LSM1: variants seen among roughly 807,000 people sequenced by gnomAD.
LSM1 encodes U6 snRNA-associated Sm-like protein LSm1.
In LSM1, 13 loss-of-function variants were observed where a neutral mutation model predicts 18.0. The ratio of observed to expected loss-of-function variants is 0.72; its 90% confidence interval spans 0.47 to 1.15. LSM1 has a LOEUF of 1.15. Ranked by LOEUF, LSM1 falls within the 50% of genes most tolerant of loss-of-function variation. The pLI is 0.00. For missense variants in LSM1, 152 were observed against 157.7 expected (o/e 0.96, Z 0.19); for synonymous variants, 46 against 56.0 (o/e 0.82, Z 0.80).
At chr8:38,170,704 G>A (rs1026353584) in intron 2 of LSM1, among the ~76,000 whole-genome samples, 3 of 152,160 alleles carry the variant, frequency 2.0e-5, no homozygotes, top group African/African-American at 7.2e-5. Context: ...CATGGGTTAT[G>A]ATACAGCAAA....
chr8:38,163,758 G>T lies in LSM1; in HGVS notation c.314C>A (p.Thr105Asn), dbSNP rs1425546123. The stretch of plus-strand genomic sequence containing the variant: ...TTTCAACTTCTCTGCTTCCAGCTTG[G>T]TCTGCTGTTCCACCCTTTGTTCTTC... ...ILEEQRVEQQ[T>N]KLEAEKLKVQ... Residue 105 changes from threonine (T) to asparagine (N), a missense_variant, in exon 4 of 4, where the codon ACC becomes AAC. Transcript: ENST00000311351. 5 of 1,614,002 alleles carry T rather than the reference G, an allele frequency of 3.1e-6. No homozygotes were observed. Among genetic ancestry groups the T allele is most frequent in the Admixed American group, 3.3e-5 (2 of 59,988 alleles).
At chr8:38,171,483 A>T (rs1231611837) in intron 2 of LSM1, among the ~76,000 whole-genome samples, 1 of 152,204 alleles carries the variant, frequency 6.6e-6, no homozygotes, top group Non-Finnish European at 1.5e-5. Context: ...CCTGGCCAAC[A>T]TGGCGAAACC....
At chr8:38,164,158 G>A (rs991938619) in intron 3 of LSM1, among the ~76,000 whole-genome samples, 4 of 152,080 alleles carry the variant, frequency 2.6e-5, no homozygotes, top group Admixed American at 1.3e-4. Flanking sequence ...GGGTTCAAGC[G>A]ATTATCCTGC....
chr8:38,176,250 C>A, intron 1 of LSM1, 25 bp downstream of exon 1: 2 of 1,610,322 alleles, frequency 1.2e-6, no homozygotes, highest in South Asian at 1.1e-5. Flanking sequence ...CCCCGGGCTC[C>A]ACCGGGAGGA....
intron 1 of LSM1, among the ~76,000 whole-genome samples, chr8:38,172,782 G>C (rs537174267): frequency 1.3e-5 from 2 of 152,124 alleles, no homozygotes; most frequent in South Asian, 4.1e-4. Flanking sequence ...ACCATAGAAG[G>C]CTTTAAATAA....
At chr8:38,166,239 C>CCTA (rs1233181767) in intron 3 of LSM1, 1 of 152,246 alleles carries the variant, frequency 6.6e-6, no homozygotes, top group African/African-American at 2.4e-5. Context: ...GCCTCAGCCT[C>CCTA]CTAAGTAGCT....
chr8:38,166,205 C>G (rs967363973), intron 3 of LSM1: 3 of 152,230 alleles, frequency 2.0e-5, no homozygotes, highest in African/African-American at 7.2e-5. Flanking sequence ...TGATCTGAAA[C>G]TCTTGGGCTG....
At chr8:38,174,267 C>T (rs193262840) in intron 1 of LSM1, among the ~76,000 whole-genome samples, 2 of 151,688 alleles carry the variant, frequency 1.3e-5, no homozygotes, top group African/African-American at 4.8e-5. Context: ...AGGGGAAGAA[C>T]GCAGGGGTTG....
chr8:38,174,775 T>C (rs373975174), intron 1 of LSM1, among the ~76,000 whole-genome samples: 136 of 152,066 alleles, frequency 8.9e-4, no homozygotes, highest in African/African-American at 3.2e-3. Context: ...GTAATCCCAG[T>C]ACTCTGGGAG....
chr8:38,168,207 C>T (rs994997203), intron 3 of LSM1, among the ~76,000 whole-genome samples: 5 of 151,356 alleles, frequency 3.3e-5, no homozygotes, highest in African/African-American at 4.8e-5. Context: ...GTGATCCGCC[C>T]GCCTCAGCCT....
chr8:38,172,178 C>CAAAA lies in LSM1; in HGVS notation c.47-146_47-145insTTTT, dbSNP rs752387751. 3.0e-3 allele frequency: 1,612 copies of CAAAA among 537,496 alleles called. 30 individuals carry two copies. The African/African-American group carries it at 0.03, about 10-fold the overall frequency. The allele number at this position is 537,496 out of a possible 1,614,324, so 33.3% of individuals were successfully genotyped here. ...AAGTTCATTGGAAAACTGAAAAAAGCAGCACAGCAACGCGGATTTAGATAA... is the reference window on the plus strand; with the variant it reads ...AAGTTCATTGGAAAACTGAAAAAAGCAAAAAGCACAGCAACGCGGATTTAGATAA... On this transcript the variant is annotated intron_variant, in intron 1 of 3. Transcript: ENST00000311351.
At chr8:38,174,497 G>C (rs751666557) in intron 1 of LSM1, among the ~76,000 whole-genome samples, 1 of 152,078 alleles carries the variant, frequency 6.6e-6, no homozygotes, top group Admixed American at 6.6e-5. Flanking sequence ...AAAGTAGGGG[G>C]TCTGGAATCT....
chr8:38,165,214 G>A (rs189675812), intron 3 of LSM1, among the ~76,000 whole-genome samples: 166 of 152,210 alleles, frequency 1.1e-3, no homozygotes, highest in African/African-American at 3.6e-3. Context: ...TTAGCTGGGC[G>A]TGGTGGCAGG....
intron 1 of LSM1, among the ~76,000 whole-genome samples, chr8:38,172,480 C>G (rs762506394): frequency 4.6e-5 from 7 of 152,052 alleles, no homozygotes; most frequent in Non-Finnish European, 1.0e-4. Context: ...TGCCACCATG[C>G]CTGGCTAATT....
At chr8:38,171,270 C>T (rs1485165498) in intron 2 of LSM1, among the ~76,000 whole-genome samples, 5 of 152,192 alleles carry the variant, frequency 3.3e-5, no homozygotes, top group African/African-American at 1.2e-4. Flanking sequence ...CAATGGCTCG[C>T]GCCTATAATC....
At position 38,163,439 on chromosome 8, in the gene LSM1, C is replaced by CAGTGATGTGTGAAGGAGTCTATG. The variant is rs1210987494; in HGVS notation, c.*208_*230dup. 7.2e-5 allele frequency: 30 copies of CAGTGATGTGTGAAGGAGTCTATG among 415,986 alleles called. No individual in the cohort carries two copies. 25.8% of individuals were successfully genotyped at this position (415,986 alleles called of 1,614,324 possible). On this transcript the variant is annotated 3_prime_UTR_variant, in exon 4 of 4. Transcript: ENST00000311351. ...TATAAAGAAGTAGTTGCTGGTGCCA[C>CAGTGATGTGTGAAGGAGTCTATG]AGTGATGTGTGAAGGAGTCTATGCC...
chr8:38,171,928 T>A (rs538008426), intron 2 of LSM1, 37 bp downstream of exon 2: 1 of 1,443,078 alleles, frequency 6.9e-7, no homozygotes, highest in African/African-American at 1.4e-5. Flanking sequence ...GCTGTTATTA[T>A]CCAGAGTATA....
At chr8:38,175,987 C>G (rs1803129833) in intron 1 of LSM1, 1 of 343,452 alleles carries the variant, frequency 2.9e-6, no homozygotes, top group Middle Eastern at 8.3e-4. Flanking sequence ...CTTTCGTGTT[C>G]GGGCCTCTGC....
Position 38,164,514 on chromosome 8 carries a change from C to CT in LSM1, c.232-675dup, listed in dbSNP as rs11322150. Among the ~76,000 whole-genome samples, 219 of 143,682 alleles carry CT rather than the reference C, an allele frequency of 1.5e-3. 1 individual carries two copies. The highest frequency in any genetic ancestry group is 2.5e-3 in the Non-Finnish European group (164 of 65,178). 94.3% of individuals were successfully genotyped at this position (143,682 alleles called of 152,430 possible). A position where few individuals can be genotyped will look rare whatever the true frequency, so the allele number is the denominator to read the frequency against. On this transcript the variant is annotated intron_variant, in intron 3 of 3. Coordinates refer to ENST00000311351, the MANE Select transcript of LSM1 (RefSeq NM_014462.3). ...GTTATTGAGGCAATGTGGCCTTAGA[C>CT]TTTTTTTTTTTTTTAATTATTTTAA... is the stretch of plus-strand genomic sequence containing the variant.
Sources: gnomAD v4.1 joint callset for allele counts (sites outside exome capture counted in the v4.1 genomes callset) on GRCh38, gnomAD v4.1.1 for gene constraint, MANE v1.5 for transcripts, NCBI Gene and HGNC (gene_info 2026-07-23, HGNC 2026-07-21) for gene names.